PRKD1: variants seen among roughly 807,000 people sequenced by gnomAD.
PRKD1 encodes protein kinase D1.
PRKD1 carries 63 observed loss-of-function variants against 95.9 expected under a neutral mutation model. That is an observed-to-expected ratio of 0.66 (90% CI 0.54 to 0.81). The LOEUF (loss-of-function observed/expected upper bound fraction) is 0.81, where lower values mean the gene tolerates loss of function less well. PRKD1 is among the 30% of genes least tolerant of loss of function. The probability of loss-of-function intolerance (pLI) is 0.00; values close to 1 mark genes in which losing one functional copy is unlikely to be tolerated. For missense variants in PRKD1, 1,048 were observed against 1,165.3 expected (o/e 0.90, Z 1.47); for synonymous variants, 425 against 423.1 (o/e 1.00, Z -0.05).
chr14:29,676,591 G>A (rs1388289931), intron 2 of PRKD1, among the ~76,000 whole-genome samples: 1 of 152,162 alleles, frequency 6.6e-6, no homozygotes, highest in Admixed American at 6.5e-5. Flanking sequence ...CTGACCTCGT[G>A]ATCTGCCCGC....
intron 1 of PRKD1, among the ~76,000 whole-genome samples, chr14:29,783,670 C>A (rs1423944026): frequency 6.6e-6 from 1 of 151,820 alleles, no homozygotes; most frequent in Non-Finnish European, 1.5e-5. Flanking sequence ...CTATTTTTTT[C>A]ATAATAGACA....
chr14:29,604,606 AG>A (rs1893638803), intron 13 of PRKD1, among the ~76,000 whole-genome samples: 1 of 152,136 alleles, frequency 6.6e-6, no homozygotes, highest in Non-Finnish European at 1.5e-5. Flanking sequence ...CATTCCTGCC[AG>A]TTTGCCAGGG....
At chr14:29,676,205 C>CTTTTTTTTTTTTTTT (rs1883206593) in intron 2 of PRKD1, among the ~76,000 whole-genome samples, 2 of 30,112 alleles carry the variant, frequency 6.6e-5, no homozygotes, top group Admixed American at 3.6e-4. Flanking sequence ...TTTTTTTTTG[C>CTTTTTTTTTTTTTTT]TGAGTTGTAT....
intron 1 of PRKD1, among the ~76,000 whole-genome samples, chr14:29,906,382 T>C (rs1894496367): frequency 6.6e-6 from 1 of 151,722 alleles, no homozygotes; most frequent in African/African-American, 2.4e-5. Flanking sequence ...CTACAGAAAA[T>C]TTAAAAATTA....
chr14:29,645,905 A>C (rs2139159992), intron 4 of PRKD1, among the ~76,000 whole-genome samples: 1 of 152,060 alleles, frequency 6.6e-6, no homozygotes, highest in African/African-American at 2.4e-5. Flanking sequence ...TCTCCTCCAA[A>C]GTCATTAAAG....
intron 1 of PRKD1, among the ~76,000 whole-genome samples, chr14:29,847,707 T>C (rs1892136141): frequency 6.6e-6 from 1 of 152,200 alleles, no homozygotes. Context: ...TTAAGATTCA[T>C]GCTTCCATTG....
At position 29,626,571 on chromosome 14, in the gene PRKD1, C is replaced by G. The variant is rs1302501400; in HGVS notation, c.1726-15G>C. Reference sequence around the variant, plus strand: ...GTGCTGATGTCCTAGAGGTACAAGCCCAATGAAAAAAAAACATGAAGCAGA... The same window carrying G: ...GTGCTGATGTCCTAGAGGTACAAGCGCAATGAAAAAAAAACATGAAGCAGA... On this transcript the variant is annotated splice_polypyrimidine_tract_variant and intron_variant, in intron 11 of 17. Transcript: ENST00000331968. The G allele has an allele frequency of 6.5e-7, 1 of 1,544,124 alleles. No individual in the cohort carries two copies. Among genetic ancestry groups the G allele is most frequent in the Non-Finnish European group, 8.7e-7 (1 of 1,144,962 alleles).
intron 1 of PRKD1, among the ~76,000 whole-genome samples, chr14:29,893,149 A>G (rs1266292308): frequency 6.6e-6 from 1 of 152,164 alleles, no homozygotes. Context: ...TTTATTAATA[A>G]TACTCTGACA....
chr14:29,784,880 GC>G (rs1265973788), intron 1 of PRKD1, among the ~76,000 whole-genome samples: 3 of 152,152 alleles, frequency 2.0e-5, no homozygotes, highest in African/African-American at 7.2e-5. Context: ...AAGAGAACTG[GC>G]TTTACAAATG....
intron 13 of PRKD1, among the ~76,000 whole-genome samples, chr14:29,602,799 C>A (rs1307838609): frequency 6.6e-6 from 1 of 152,110 alleles, no homozygotes; most frequent in Non-Finnish European, 1.5e-5. Flanking sequence ...CACAACATGA[C>A]CTGAGGTGCC....
At chr14:29,762,859 T>A (rs1377715174) in intron 1 of PRKD1, among the ~76,000 whole-genome samples, 2 of 152,300 alleles carry the variant, frequency 1.3e-5, no homozygotes, top group South Asian at 4.1e-4. Context: ...TTCTAGTGCC[T>A]CAGCTTCCTA....
intron 1 of PRKD1, among the ~76,000 whole-genome samples, chr14:29,855,666 C>T (rs1892471440): frequency 6.6e-6 from 1 of 152,136 alleles, no homozygotes; most frequent in South Asian, 2.1e-4. Flanking sequence ...CTCAGAGTTC[C>T]CACCCAACTC....
At chr14:29,656,369 T>C (rs1566518265) in intron 4 of PRKD1, 4 of 1,215,366 alleles carry the variant, frequency 3.3e-6, no homozygotes, top group Admixed American at 2.0e-5. Context: ...TCTGACCTGA[T>C]TATTCTCATA....
intron 1 of PRKD1, among the ~76,000 whole-genome samples, chr14:29,848,444 G>A (rs565851463): frequency 6.6e-6 from 1 of 151,974 alleles, no homozygotes; most frequent in South Asian, 2.1e-4. Context: ...ACATTCAAAA[G>A]CAACTGCATA....
chr14:29,726,870 A>AT (rs1298006975), intron 1 of PRKD1, among the ~76,000 whole-genome samples: 4 of 151,072 alleles, frequency 2.6e-5, no homozygotes, highest in Non-Finnish European at 5.9e-5. Context: ...AGTTCACTTT[A>AT]TTTTTTTTAG....
At chr14:29,917,516 C>T (rs1594626206) in intron 1 of PRKD1, among the ~76,000 whole-genome samples, 2 of 152,088 alleles carry the variant, frequency 1.3e-5, no homozygotes, top group Non-Finnish European at 2.9e-5. Context: ...TGTAATGATA[C>T]ATGGATTTCA....
At chr14:29,688,727 T>A (rs1884029395) in intron 2 of PRKD1, among the ~76,000 whole-genome samples, 1 of 151,266 alleles carries the variant, frequency 6.6e-6, no homozygotes, top group Admixed American at 6.6e-5. Context: ...AGCTTAGGAG[T>A]TCACGACCAG....
At position 29,689,162 on chromosome 14, in the gene PRKD1, T is replaced by C. The variant is rs1263615123; in HGVS notation, c.404-22954A>G. On this transcript the variant is annotated intron_variant, in intron 2 of 17. Transcript: ENST00000331968. ...TTCTGCACAACAAAAGAAACTATCA[T>C]CAGAGTGAAAAGACAACCTACAGAA... Among the ~76,000 whole-genome samples the C allele has an allele frequency of 2.6e-5, 4 of 151,544 alleles. No individual in the cohort carries two copies. The East Asian group carries it at 7.7e-4, about 29-fold the overall frequency.
chr14:29,685,154 A>G (rs1354769534), intron 2 of PRKD1, among the ~76,000 whole-genome samples: 1 of 152,172 alleles, frequency 6.6e-6, no homozygotes, highest in Non-Finnish European at 1.5e-5. Flanking sequence ...CAAAGTGCAA[A>G]GAGTGGTCCA....
Sources: allele counts gnomAD v4.1 joint callset (sites outside exome capture counted in the v4.1 genomes callset), GRCh38; gene constraint gnomAD v4.1.1; transcripts MANE v1.5; gene names NCBI Gene and HGNC (gene_info 2026-07-23, HGNC 2026-07-21).